The following KIAA1671 variants were observed in gnomAD, a reference collection of about 807,000 sequenced individuals.
KIAA1671 encodes uncharacterized protein KIAA1671.
A neutral mutation model predicts 131.2 loss-of-function variants in KIAA1671; 52 were observed. The observed-to-expected ratio is 0.40, with a 90% CI of 0.32 to 0.50. KIAA1671 has a LOEUF of 0.50. Ranked by LOEUF, KIAA1671 falls within the 20% of genes least tolerant of loss-of-function variation. The pLI, the probability that KIAA1671 is intolerant of heterozygous loss-of-function variation, is 0.73. For missense variants in KIAA1671, 2,360 were observed against 2,364.2 expected, an observed-to-expected ratio of 1.00 and a Z score of 0.04; for synonymous variants, 1,003 against 961.6, an observed-to-expected ratio of 1.04 and a Z score of -0.80.
At chr22:25,123,282 C>G in intron 6 of KIAA1671, among the ~76,000 whole-genome samples, 1 of 150,552 alleles carries the variant, frequency 6.6e-6, no homozygotes, top group East Asian at 2.0e-4. Context: ...CTGCAACCAC[C>G]CCTTCCTGGG....
intron 6 of KIAA1671, among the ~76,000 whole-genome samples, chr22:25,132,610 T>C (rs1932493808): frequency 1.3e-5 from 2 of 152,166 alleles, no homozygotes; most frequent in Non-Finnish European, 2.9e-5. Context: ...AGTGGACATT[T>C]CATAGATACA....
At chr22:24,966,034 G>A (rs1922287115) in intron 1 of KIAA1671, among the ~76,000 whole-genome samples, 1 of 152,192 alleles carries the variant, frequency 6.6e-6, no homozygotes, top group South Asian at 2.1e-4. Flanking sequence ...GGGGCTCCAA[G>A]AGGTGAAACG....
At chr22:25,068,036 G>A (rs1041431912) in intron 6 of KIAA1671, among the ~76,000 whole-genome samples, 4 of 152,270 alleles carry the variant, frequency 2.6e-5, no homozygotes, top group Admixed American at 1.3e-4. Flanking sequence ...CTGCACTTTT[G>A]TCGGTCAGCA....
At chr22:25,189,091 G>A (rs986000276) in intron 11 of KIAA1671, among the ~76,000 whole-genome samples, 1 of 151,720 alleles carries the variant, frequency 6.6e-6, no homozygotes, top group African/African-American at 2.4e-5. Context: ...AAGTCCAAAA[G>A]GCTTCCCTCT....
intron 8 of KIAA1671, 163 bp from the exon 9 acceptor site, chr22:25,177,185 C>T (rs1934062038): frequency 1.5e-6 from 1 of 662,314 alleles, no homozygotes; most frequent in East Asian, 2.8e-5. Flanking sequence ...GAAATTTAGG[C>T]TTTGGGTGTT....
chr22:24,963,694 A>C (rs1922138335), intron 1 of KIAA1671, among the ~76,000 whole-genome samples: 1 of 151,970 alleles, frequency 6.6e-6, no homozygotes, highest in South Asian at 2.1e-4. Context: ...TAATCCCAGC[A>C]CTTTGGGAGG....
At chr22:25,067,127 C>T (rs900575190) in intron 6 of KIAA1671, among the ~76,000 whole-genome samples, 1 of 152,074 alleles carries the variant, frequency 6.6e-6, no homozygotes, top group African/African-American at 2.4e-5. Flanking sequence ...GGGGTGTGCC[C>T]TGGTGCGTCT....
intron 6 of KIAA1671, among the ~76,000 whole-genome samples, chr22:25,148,198 C>G (rs5760880): frequency 0.11 from 15,940 of 151,490 alleles, 907 homozygotes; most frequent in East Asian, 0.16. Flanking sequence ...TTTCTCAGTC[C>G]CAGCACCCCC....
At chr22:25,057,474 T>C (rs1927912083) in intron 6 of KIAA1671, 1 of 152,190 alleles carries the variant, frequency 6.6e-6, no homozygotes, top group East Asian at 1.9e-4. Context: ...TGGAACAGCG[T>C]GGGATTGCGG....
chr22:25,037,247 C>T (rs972656342), intron 4 of KIAA1671, among the ~76,000 whole-genome samples: 8 of 151,242 alleles, frequency 5.3e-5, no homozygotes, highest in Non-Finnish European at 1.2e-4. Context: ...CGCTTGAATC[C>T]GGAAGGCGGA....
chr22:25,030,321 G>A (rs1926214545), intron 3 of KIAA1671, among the ~76,000 whole-genome samples: 1 of 152,184 alleles, frequency 6.6e-6, no homozygotes, highest in Admixed American at 6.5e-5. Context: ...TGGATCACAA[G>A]GTCAGGAGTT....
intron 1 of KIAA1671, among the ~76,000 whole-genome samples, chr22:25,002,693 C>T (rs1338937264): frequency 6.6e-6 from 1 of 152,134 alleles, no homozygotes; most frequent in Non-Finnish European, 1.5e-5. Context: ...CCAGTGGTGG[C>T]TGCTGAACCC....
intron 1 of KIAA1671, among the ~76,000 whole-genome samples, chr22:25,003,003 C>T (rs1438179720): frequency 2.0e-5 from 3 of 152,182 alleles, no homozygotes; most frequent in Admixed American, 6.5e-5. Context: ...AACTCCTGAG[C>T]TCAAAGTGAT....
At chr22:24,969,950 G>C (rs1408867949) in intron 1 of KIAA1671, among the ~76,000 whole-genome samples, 1 of 152,216 alleles carries the variant, frequency 6.6e-6, no homozygotes, top group African/African-American at 2.4e-5. Context: ...ACAGGCTTCA[G>C]AGAAGACCCC....
intron 6 of KIAA1671, among the ~76,000 whole-genome samples, chr22:25,123,190 GTTTTT>G (rs59051108): frequency 4.7e-5 from 3 of 63,372 alleles, no homozygotes; most frequent in African/African-American, 2.5e-4. Context: ...CTGAGATGAG[GTTTTT>G]TTTTTTTTTT....
chr22:25,032,517 AGGTTACTT>A, intron 3 of KIAA1671, 84 bp from the exon 4 acceptor site: 3 of 697,102 alleles, frequency 4.3e-6, no homozygotes, highest in Non-Finnish European at 7.4e-6. Flanking sequence ...TCCTTTCTGA[AGGTTACTT>A]GGCCTGGCCT....
chr22:25,092,016 A>C (rs1930049800), intron 6 of KIAA1671, among the ~76,000 whole-genome samples: 1 of 152,122 alleles, frequency 6.6e-6, no homozygotes, highest in African/African-American at 2.4e-5. Context: ...TTATCCACTC[A>C]ACAAATACGT....
intron 6 of KIAA1671, among the ~76,000 whole-genome samples, chr22:25,152,652 G>C (rs911487546): frequency 6.6e-6 from 1 of 152,176 alleles, no homozygotes; most frequent in Non-Finnish European, 1.5e-5. Context: ...ACCCAGGCTG[G>C]AATGCAGTGG....
chr22:25,061,964 C>G (rs950296430), intron 6 of KIAA1671: 1 of 152,234 alleles, frequency 6.6e-6, no homozygotes, highest in Admixed American at 6.5e-5. Context: ...CCTCCCTCTT[C>G]TCTTCCTCCT....
Sources: gnomAD v4.1 joint callset for allele counts (sites outside exome capture counted in the v4.1 genomes callset) on GRCh38, gnomAD v4.1.1 for gene constraint, MANE v1.5 for transcripts, NCBI Gene and HGNC (gene_info 2026-07-23, HGNC 2026-07-21) for gene names.